Variants in ASTN2 observed in about 807,000 individuals in gnomAD.
ASTN2 encodes the protein astrotactin-2.
A neutral mutation model predicts 139.8 loss-of-function variants in ASTN2; 54 were observed. That is an observed-to-expected ratio of 0.39 (90% CI 0.31 to 0.48). The LOEUF (loss-of-function observed/expected upper bound fraction) is 0.48. Among genes scored for constraint, ASTN2 ranks in the 20% least tolerant of loss-of-function variants. The pLI is 0.95. For missense variants in ASTN2, 1,565 were observed against 1,725.1 expected (o/e 0.91, Z 1.64); for synonymous variants, 756 against 719.5 (o/e 1.05, Z -0.81).
chr9:116,577,834 T>TAGGTGA (rs1853782708), intron 19 of ASTN2, among the ~76,000 whole-genome samples: 1 of 152,104 alleles, frequency 6.6e-6, no homozygotes, highest in Non-Finnish European at 1.5e-5. Context: ...AGGGGGCTTG[T>TAGGTGA]AGGTGAATCT....
intron 19 of ASTN2, among the ~76,000 whole-genome samples, chr9:116,512,289 A>T (rs1219475515): frequency 2.0e-5 from 3 of 152,204 alleles, no homozygotes; most frequent in African/African-American, 7.2e-5. Context: ...CACGTTGCTC[A>T]GTTTCCAGGT....
chr9:116,518,777 C>T (rs1212093296), intron 19 of ASTN2, among the ~76,000 whole-genome samples: 1 of 151,736 alleles, frequency 6.6e-6, no homozygotes, highest in Admixed American at 6.6e-5. Flanking sequence ...AGGAGTCTCA[C>T]CTAACACATA....
intron 4 of ASTN2, among the ~76,000 whole-genome samples, chr9:117,108,817 T>C (rs547979507): frequency 1.3e-5 from 2 of 152,106 alleles, no homozygotes; most frequent in Admixed American, 6.5e-5. Flanking sequence ...CCAACCCAAA[T>C]AGAAATGCAA....
chr9:117,094,664 T>C (rs908226731), intron 5 of ASTN2, among the ~76,000 whole-genome samples: 1 of 152,132 alleles, frequency 6.6e-6, no homozygotes, highest in Non-Finnish European at 1.5e-5. Flanking sequence ...ACCCTTCCCA[T>C]GTAATGTGTC....
intron 5 of ASTN2, among the ~76,000 whole-genome samples, chr9:117,051,220 A>G (rs1838903304): frequency 2.3e-5 from 2 of 88,760 alleles, no homozygotes. Context: ...CTTGGAGCTT[A>G]TTAACTAAAA....
chr9:116,692,139 A>G (rs1033347957), intron 16 of ASTN2, among the ~76,000 whole-genome samples: 6 of 152,360 alleles, frequency 3.9e-5, no homozygotes, highest in East Asian at 1.9e-4. Context: ...AAGCCACCAA[A>G]GGCTGATATA....
chr9:116,478,012 C>A (rs1317903190), intron 20 of ASTN2, among the ~76,000 whole-genome samples: 1 of 149,414 alleles, frequency 6.7e-6, no homozygotes, highest in Admixed American at 6.7e-5. Flanking sequence ...AAATAAAAGG[C>A]CAGGCAGAAA....
At chr9:116,798,288 A>G (rs551564913) in intron 13 of ASTN2, among the ~76,000 whole-genome samples, 2 of 152,316 alleles carry the variant, frequency 1.3e-5, no homozygotes, top group African/African-American at 4.8e-5. Context: ...CAAACAAACA[A>G]AAGAGGAGAG....
intron 3 of ASTN2, among the ~76,000 whole-genome samples, chr9:117,198,811 C>T (rs1402697838): frequency 6.6e-6 from 1 of 152,150 alleles, no homozygotes. Flanking sequence ...TGTTTCCTGA[C>T]TTTTTAATAA....
intron 13 of ASTN2, among the ~76,000 whole-genome samples, chr9:116,736,625 C>A (rs1828934669): frequency 6.6e-6 from 1 of 152,174 alleles, no homozygotes; most frequent in African/African-American, 2.4e-5. Context: ...CTCTATGTGA[C>A]CTCTTCAAGC....
chr9:116,486,936 C>T (rs986732801), intron 20 of ASTN2, among the ~76,000 whole-genome samples: 11 of 151,778 alleles, frequency 7.2e-5, no homozygotes, highest in Admixed American at 3.3e-4. Context: ...TCTCAGTATG[C>T]GTATTTCAGT....
At chr9:116,820,423 T>G (rs1231000808) in intron 12 of ASTN2, among the ~76,000 whole-genome samples, 194 bp downstream of exon 12, 1 of 152,226 alleles carries the variant, frequency 6.6e-6, no homozygotes, top group Admixed American at 6.5e-5. Context: ...TTTTCTCATT[T>G]TTTTCTTTTT....
At chr9:116,970,721 A>G (rs1836170031) in intron 10 of ASTN2, among the ~76,000 whole-genome samples, 3 of 152,236 alleles carry the variant, frequency 2.0e-5, no homozygotes, top group Non-Finnish European at 4.4e-5. Context: ...ACTATCACCA[A>G]GTGAGCCATG....
chr9:117,311,048 G>A (rs1401409399), intron 1 of ASTN2, among the ~76,000 whole-genome samples: 3 of 152,032 alleles, frequency 2.0e-5, no homozygotes, highest in Non-Finnish European at 4.4e-5. Context: ...TTCCCCTACT[G>A]GGGCTCCCTG....
At chr9:116,914,921 G>A (rs1243938643) in intron 10 of ASTN2, among the ~76,000 whole-genome samples, 1 of 152,176 alleles carries the variant, frequency 6.6e-6, no homozygotes, top group Non-Finnish European at 1.5e-5. Context: ...AACCAGTAAA[G>A]GCTGAAGCTG....
chr9:117,378,287 G>A (rs1176882548), intron 1 of ASTN2, among the ~76,000 whole-genome samples: 1 of 152,152 alleles, frequency 6.6e-6, no homozygotes, highest in Non-Finnish European at 1.5e-5. Flanking sequence ...AGTCCAGAGT[G>A]TTTCCACCAT....
intron 16 of ASTN2, among the ~76,000 whole-genome samples, chr9:116,668,430 G>A (rs1189124611): frequency 6.6e-6 from 1 of 152,156 alleles, no homozygotes; most frequent in Non-Finnish European, 1.5e-5. Flanking sequence ...GACCTCAGGT[G>A]ATCCACCCGC....
At chr9:116,462,368 C>T (rs929244335) in intron 20 of ASTN2, among the ~76,000 whole-genome samples, 1 of 152,162 alleles carries the variant, frequency 6.6e-6, no homozygotes, top group Non-Finnish European at 1.5e-5. Context: ...AGCAATGATT[C>T]AAACCCAAAC....
intron 19 of ASTN2, among the ~76,000 whole-genome samples, chr9:116,537,314 CTTG>C (rs770389550): frequency 2.0e-5 from 3 of 152,154 alleles, no homozygotes; most frequent in Non-Finnish European, 2.9e-5. Flanking sequence ...TTTACTTGGC[CTTG>C]TTGTTCTCCA....
Sources: gnomAD v4.1 joint callset for allele counts (sites outside exome capture counted in the v4.1 genomes callset) on GRCh38, gnomAD v4.1.1 for gene constraint, MANE v1.5 for transcripts, NCBI Gene and HGNC (gene_info 2026-07-23, HGNC 2026-07-21) for gene names.